HUNK: variants seen among roughly 807,000 people sequenced by gnomAD.
The protein encoded by HUNK is hormonally up-regulated neu tumor-associated kinase.
A neutral mutation model predicts 61.0 loss-of-function variants in HUNK; 21 were observed. That is an observed-to-expected ratio of 0.34 (90% CI 0.24 to 0.50). The LOEUF is 0.50. HUNK is among the 20% of genes least tolerant of loss of function. The pLI, the probability that HUNK is intolerant of heterozygous loss-of-function variation, is 0.98. For synonymous variants in HUNK, 371 were observed against 386.1 expected, an observed-to-expected ratio of 0.96 and a Z score of 0.46; for missense variants, 772 against 945.7, an observed-to-expected ratio of 0.82 and a Z score of 2.41.
At chr21:31,916,151 T>C (rs113887144) in intron 1 of HUNK, among the ~76,000 whole-genome samples, 16,593 of 143,714 alleles carry the variant, frequency 0.12, 1,708 homozygotes, top group African/African-American at 0.28. Flanking sequence ...CCCGGGTTCA[T>C]GCCATTCTCC....
intron 9 of HUNK, among the ~76,000 whole-genome samples, chr21:31,995,486 T>C (rs897481152): frequency 6.6e-6 from 1 of 152,060 alleles, no homozygotes; most frequent in African/African-American, 2.4e-5. Context: ...TCCAGAAGAA[T>C]TGACCTCCTA....
rs572220438 is a variant in HUNK at position 31,964,964 on chromosome 21, A to C, written c.875-3286A>C. ...AAGTCCTTTGAGGGTAAGCAACAGC[A>C]ATGTCTCAGAAAACATTAACTCAAC... On this transcript the variant is annotated intron_variant, in intron 5 of 10. Coordinates refer to ENST00000270112, the MANE Select transcript of HUNK (RefSeq NM_014586.2). 1.9e-4 allele frequency among the ~76,000 whole-genome samples: 29 copies of C among 152,308 alleles called. No homozygotes were observed. In the South Asian group the frequency reaches 5.8e-3, roughly 30 times the overall value.
intron 4 of HUNK, among the ~76,000 whole-genome samples, chr21:31,948,796 G>C (rs1043728224): frequency 2.0e-5 from 3 of 152,162 alleles, no homozygotes; most frequent in Non-Finnish European, 4.4e-5. Context: ...TCAGCTCAAG[G>C]CTCTAGAAGC....
intron 4 of HUNK, 23 bp downstream of exon 4, chr21:31,946,194 G>A (rs374009656): frequency 1.9e-6 from 3 of 1,602,220 alleles, no homozygotes; most frequent in African/African-American, 2.7e-5. Context: ...GCTTCTGAAA[G>A]TCAGTGTTCC....
rs2123267163 is a variant in HUNK at position 32,001,416 on chromosome 21, T to A, written c.*2232T>A. On this transcript the variant is annotated 3_prime_UTR_variant, in exon 11 of 11. Transcript: ENST00000270112. ...CCACTTTGCAGGCTTGCAGGGTGTA[T>A]ACCTGCGCATTGGGAACTTGCTGGA... 1 of 152,322 alleles carries A rather than the reference T, an allele frequency of 6.6e-6. No individual in the cohort carries two copies. The highest frequency in any genetic ancestry group is 3.4e-3 in the Middle Eastern group (1 of 294). The allele number at this position is 152,322 out of a possible 1,614,324, so 9.4% of individuals were successfully genotyped here.
At chr21:31,980,300 G>C (rs2053086898) in intron 7 of HUNK, among the ~76,000 whole-genome samples, 1 of 151,696 alleles carries the variant, frequency 6.6e-6, no homozygotes, top group Non-Finnish European at 1.5e-5. Context: ...TCAAACTCCT[G>C]ACCCTGTGGT....
chr21:31,904,031 T>C (rs2052488281), intron 1 of HUNK, among the ~76,000 whole-genome samples: 1 of 152,054 alleles, frequency 6.6e-6, no homozygotes, highest in Non-Finnish European at 1.5e-5. Context: ...TCTCATCCAG[T>C]AGTTACAGTT....
intron 4 of HUNK, among the ~76,000 whole-genome samples, chr21:31,950,827 T>C (rs1264096826): frequency 6.6e-6 from 1 of 152,160 alleles, no homozygotes; most frequent in Non-Finnish European, 1.5e-5. Context: ...TCTCTCTTTA[T>C]GGCTCAGAAA....
At chr21:31,886,423 C>A (rs371559510) in intron 1 of HUNK, among the ~76,000 whole-genome samples, 211 of 130,488 alleles carry the variant, frequency 1.6e-3, no homozygotes, top group South Asian at 3.5e-3. Context: ...GAGACTGTCT[C>A]AAAAAAAAAA....
intron 1 of HUNK, among the ~76,000 whole-genome samples, chr21:31,876,495 A>G (rs2052263251): frequency 6.6e-6 from 1 of 152,222 alleles, no homozygotes; most frequent in Non-Finnish European, 1.5e-5. Flanking sequence ...TGACTCTGAG[A>G]AAGATTGCTA....
chr21:31,982,429 A>T (rs1029390606), intron 7 of HUNK, among the ~76,000 whole-genome samples: 1 of 152,182 alleles, frequency 6.6e-6, no homozygotes, highest in Non-Finnish European at 1.5e-5. Context: ...AATTTTATCA[A>T]CCAATTATTT....
chr21:32,000,697 C>T lies in HUNK; in HGVS notation c.*1513C>T, dbSNP rs369086706. On this transcript the variant is annotated 3_prime_UTR_variant, in exon 11 of 11. Transcript: ENST00000270112. ...AAAACACAAATCTAGAATTGCAAAG[C>T]CAGCCTTTATTTCCCTGGCAGGCAG... The T allele has an allele frequency of 2.5e-6, 1 of 398,684 alleles. No individual in the cohort carries two copies. The highest frequency in any genetic ancestry group is 1.3e-4 in the South Asian group (1 of 7,868). The allele number at this position is 398,684 out of a possible 1,614,324, so 24.7% of individuals were successfully genotyped here.
chr21:31,994,417 A>G (rs1320777988), intron 9 of HUNK, among the ~76,000 whole-genome samples: 2 of 152,246 alleles, frequency 1.3e-5, no homozygotes, highest in African/African-American at 2.4e-5. Context: ...AAGGGCTGCA[A>G]AAGTGTAGAG....
chr21:31,962,659 C>T (rs1309980276), intron 5 of HUNK, among the ~76,000 whole-genome samples: 3 of 152,256 alleles, frequency 2.0e-5, no homozygotes, highest in Non-Finnish European at 2.9e-5. Flanking sequence ...GTTGTCTTCA[C>T]TTGTCAAGCA....
intron 1 of HUNK, among the ~76,000 whole-genome samples, chr21:31,875,610 C>T (rs1249035342): frequency 3.9e-5 from 6 of 152,188 alleles, no homozygotes; most frequent in Admixed American, 2.0e-4. Flanking sequence ...TTCCACACTG[C>T]GGGTCCGTTC....
intron 9 of HUNK, among the ~76,000 whole-genome samples, chr21:31,992,607 G>A (rs554248063): frequency 2.0e-4 from 31 of 152,324 alleles, no homozygotes; most frequent in Non-Finnish European, 2.9e-4. Flanking sequence ...GTGCTGGAGC[G>A]CATCGGAGGG....
At chr21:31,917,129 G>A (rs1487988843) in intron 1 of HUNK, among the ~76,000 whole-genome samples, 1 of 152,252 alleles carries the variant, frequency 6.6e-6, no homozygotes, top group East Asian at 1.9e-4. Context: ...CATCATCATT[G>A]ATTGGTGGTG....
Position 31,983,728 on chromosome 21 carries a change from C to T in HUNK, c.1257+119C>T, listed in dbSNP as rs534329773. On this transcript the variant is annotated intron_variant, in intron 8 of 10. Transcript: ENST00000270112. ...TGAAGTAGCAAAAGACACATACTTA[C>T]GCTCATAACTGAGCCCTTGAGAAAT... 3.9e-4 allele frequency: 277 copies of T among 702,066 alleles called. No individual in the cohort carries two copies. The East Asian group carries it at 6.5e-3, about 16-fold the overall frequency. 43.5% of individuals were successfully genotyped at this position (702,066 alleles called of 1,614,324 possible). A position where few individuals can be genotyped will look rare whatever the true frequency, so the allele number is the denominator to read the frequency against.
chr21:32,000,186 C>T lies in HUNK; in HGVS notation c.*1002C>T, dbSNP rs542989216. On this transcript the variant is annotated 3_prime_UTR_variant, in exon 11 of 11. Coordinates refer to ENST00000270112, the MANE Select transcript of HUNK (RefSeq NM_014586.2). The stretch of plus-strand genomic sequence containing the variant: ...ACAATTCAGAGCATAACTCAGATGG[C>T]GAGAAGGCAGCATTATCTCTGTGCG... 1.5e-3 allele frequency: 590 copies of T among 398,828 alleles called. 1 individual carries two copies. The highest frequency in any genetic ancestry group is 2.0e-3 in the Non-Finnish European group (445 of 226,058). The allele number at this position is 398,828 out of a possible 1,614,324, so 24.7% of individuals were successfully genotyped here. A position where few individuals can be genotyped will look rare whatever the true frequency, so the allele number is the denominator to read the frequency against.
Sources: gnomAD v4.1 joint callset for allele counts (sites outside exome capture counted in the v4.1 genomes callset) on GRCh38, gnomAD v4.1.1 for gene constraint, MANE v1.5 for transcripts, NCBI Gene and HGNC (gene_info 2026-07-23, HGNC 2026-07-21) for gene names.